FAM3B: variants seen among roughly 807,000 people sequenced by gnomAD.
FAM3B encodes protein FAM3B.
A neutral mutation model predicts 28.4 loss-of-function variants in FAM3B; 29 were observed. The observed-to-expected ratio is 1.02, with a 90% CI of 0.76 to 1.39. The LOEUF is 1.39. Among genes scored for constraint, FAM3B ranks in the 40% most tolerant of loss-of-function variants. The pLI is 0.00. For synonymous variants in FAM3B, 91 were observed against 103.0 expected (o/e 0.88, Z 0.71); for missense variants, 266 against 293.9 (o/e 0.91, Z 0.69).
At chr21:41,338,900 G>A (rs1159290396) in intron 3 of FAM3B, among the ~76,000 whole-genome samples, 1 of 152,120 alleles carries the variant, frequency 6.6e-6, no homozygotes, top group East Asian at 1.9e-4. Context: ...GGGTGTTCGG[G>A]GCCAGATGGG....
chr21:41,341,168 A>G (rs2089003898), intron 3 of FAM3B, among the ~76,000 whole-genome samples: 1 of 152,256 alleles, frequency 6.6e-6, no homozygotes, highest in Admixed American at 6.5e-5. Context: ...CCATATCAGT[A>G]CATCAGGCTT....
At chr21:41,314,204 G>A (rs187863866), upstream of FAM3B, among the ~76,000 whole-genome samples, 209 of 152,300 alleles carry the variant, frequency 1.4e-3, no homozygotes, top group African/African-American at 4.6e-3. Flanking sequence ...ACCATGTGAG[G>A]ACACAGTGAG....
In FAM3B at chr21:41,321,312, C is replaced by T. The variant is rs567274661; in HGVS notation, c.20-1611C>T. 2.7e-4 allele frequency among the ~76,000 whole-genome samples: 41 copies of T among 152,294 alleles called. 2 individuals are homozygous for T. In the South Asian group the frequency reaches 6.6e-3, roughly 25 times the overall value. On this transcript the variant is annotated intron_variant, in intron 1 of 7. Coordinates refer to ENST00000357985, the MANE Select transcript of FAM3B (RefSeq NM_058186.4). The stretch of plus-strand genomic sequence containing the variant: ...GAAGCATCTGTGGTGTCTGTGTGGG[C>T]GCTGTGGCTGGGCTGTGTAGGGGAG...
upstream of FAM3B, among the ~76,000 whole-genome samples, chr21:41,312,231 A>G (rs1189851581): frequency 6.6e-6 from 1 of 152,244 alleles, no homozygotes; most frequent in Non-Finnish European, 1.5e-5. Flanking sequence ...TCATGTTAAA[A>G]TTAATTGCTC....
At chr21:41,329,639 G>T (rs1306729085) in intron 2 of FAM3B, among the ~76,000 whole-genome samples, 1 of 148,960 alleles carries the variant, frequency 6.7e-6, no homozygotes, top group African/African-American at 2.5e-5. Context: ...ACACCATCTT[G>T]GCTCACTGCA....
At chr21:41,334,272 A>G (rs377049706) in intron 2 of FAM3B, among the ~76,000 whole-genome samples, 38 of 152,356 alleles carry the variant, frequency 2.5e-4, no homozygotes, top group East Asian at 2.1e-3. Context: ...AAAAGAAGCC[A>G]AGTGCTATTA....
At chr21:41,346,014 CTT>C (rs35090853) in intron 5 of FAM3B, 3 of 224,510 alleles carry the variant, frequency 1.3e-5, no homozygotes, top group African/African-American at 6.1e-5. Flanking sequence ...GAGAAAAAGC[CTT>C]TTTTTTAAAA....
At position 41,346,954 on chromosome 21, in the gene FAM3B, C is replaced by T. The variant is rs2145828440; in HGVS notation, c.398-59C>T. 1.5e-5 allele frequency: 23 copies of T among 1,506,788 alleles called. No homozygotes were observed. The South Asian group carries it at 2.2e-4, about 15-fold the overall frequency. The allele number at this position is 1,506,788 out of a possible 1,614,324, so 93.3% of individuals were successfully genotyped here. On this transcript the variant is annotated intron_variant, in intron 5 of 7. Transcript: ENST00000357985. ...GCAGGTGCAGGAGGAAGCCCAGCAC[C>T]CAAGGCAGAGCCTCAGTGAACAGCA...
chr21:41,311,411 T>G (rs2088713317), intron 1 of FAM3B, among the ~76,000 whole-genome samples: 2 of 148,158 alleles, frequency 1.3e-5, no homozygotes, highest in Admixed American at 6.8e-5. Context: ...TGCAGTGAGC[T>G]ATGATCATGT....
intron 4 of FAM3B, 44 bp from the exon 5 acceptor site, chr21:41,345,642 G>A (rs368656552): frequency 1.5e-6 from 2 of 1,298,120 alleles, no homozygotes; most frequent in African/African-American, 3.0e-5. Flanking sequence ...GTGCGCCCTA[G>A]TTCTGTGAAC....
At chr21:41,345,391 G>A (rs1442679426) in intron 4 of FAM3B, among the ~76,000 whole-genome samples, 2 of 151,950 alleles carry the variant, frequency 1.3e-5, no homozygotes, top group Non-Finnish European at 2.9e-5. Context: ...CTGAGTGAGG[G>A]GTCTCTGGTG....
chr21:41,357,121 A>T lies in FAM3B; in HGVS notation c.632A>T (p.Asp211Val), dbSNP rs2145838937. 6.2e-7 allele frequency: 1 copy of T among 1,612,410 alleles called. No individual in the cohort carries two copies. Among genetic ancestry groups the T allele is most frequent in the Non-Finnish European group, 8.5e-7 (1 of 1,179,090 alleles). The change falls in exon 8 of 8, where the codon GAT becomes GTT. Residue 211 changes from aspartate to valine, a missense_variant. By Grantham distance (152) the Asp-to-Val change is radical (BLOSUM62 -3). Transcript: ENST00000357985. ...TTCTCTACACAGATCAACCACTCTG[A>T]TGCTAAGAACAACAGATATTCTGGC... ...EIQREKINHS[D>V]AKNNRYSGWP...
Position 41,345,687 on chromosome 21 carries a change from T to G in FAM3B, c.348T>G (p.Tyr116Ter). 1 of 1,539,126 alleles carries G rather than the reference T, an allele frequency of 6.5e-7. No individual in the cohort carries two copies. Among genetic ancestry groups the G allele is most frequent in the South Asian group, 1.2e-5 (1 of 80,108 alleles). ...AAATACCATTTCTTTTATTTTCAGA[T>G]GTAACTGGGAATGTGACAGCAACAC... Reference protein sequence around the residue: ...ARGINIAIVNYVTGNVTATRC... With the variant: ...ARGINIAIVN The change falls in exon 5 of 8, where the codon TAT becomes TAG. Residue 116 changes from tyrosine (Y) to a stop codon, truncating the protein, a stop_gained and splice_region_variant. Transcript: ENST00000357985. LOFTEE classifies it high-confidence loss of function.
upstream of FAM3B, among the ~76,000 whole-genome samples, chr21:41,314,750 G>C (rs2088734650): frequency 7.8e-6 from 1 of 128,810 alleles, no homozygotes; most frequent in South Asian, 2.6e-4. Flanking sequence ...TACCCATTAG[G>C]AAGGCTACTA....
intron 1 of FAM3B, chr21:41,320,351 A>G (rs2088791049): frequency 6.6e-6 from 1 of 152,302 alleles, no homozygotes; most frequent in Admixed American, 6.6e-5. Context: ...AGATCAAGCC[A>G]TCCCTCCACC....
intron 7 of FAM3B, among the ~76,000 whole-genome samples, chr21:41,350,318 G>A (rs2089105527): frequency 6.6e-6 from 1 of 152,190 alleles, no homozygotes; most frequent in Non-Finnish European, 1.5e-5. Flanking sequence ...CATGCCACAG[G>A]CTGTCGTCTT....
chr21:41,331,844 T>G (rs1201504281), intron 2 of FAM3B, among the ~76,000 whole-genome samples: 2 of 152,268 alleles, frequency 1.3e-5, no homozygotes, highest in Non-Finnish European at 2.9e-5. Context: ...CTAAACCATA[T>G]GACATTATCA....
At chr21:41,305,979 A>C (rs1280965097) in intron 1 of FAM3B, among the ~76,000 whole-genome samples, 1 of 152,264 alleles carries the variant, frequency 6.6e-6, no homozygotes, top group East Asian at 1.9e-4. Flanking sequence ...CAGTCCTCTC[A>C]AACTCTGCCA....
At chr21:41,314,782 G>A (rs2088735385), upstream of FAM3B, among the ~76,000 whole-genome samples, 2 of 151,554 alleles carry the variant, frequency 1.3e-5, no homozygotes, top group Non-Finnish European at 2.9e-5. Context: ...AAAAGAGAGA[G>A]ATAACAACAT....
Sources: allele counts gnomAD v4.1 joint callset (sites outside exome capture counted in the v4.1 genomes callset), GRCh38; gene constraint gnomAD v4.1.1; transcripts MANE v1.5; gene names NCBI Gene and HGNC (gene_info 2026-07-23, HGNC 2026-07-21).